The following GRIK4 variants were observed in gnomAD, a reference collection of about 807,000 sequenced individuals.
GRIK4 encodes glutamate ionotropic receptor kainate type subunit 4.
A neutral mutation model predicts 104.9 loss-of-function variants in GRIK4; 40 were observed. The ratio of observed to expected loss-of-function variants is 0.38; its 90% CI spans 0.30 to 0.50. GRIK4 has a LOEUF of 0.50. Among genes scored for constraint, GRIK4 ranks in the 20% least tolerant of loss-of-function variants. The pLI is 0.93. For missense variants in GRIK4, 1,047 were observed against 1,308.1 expected (o/e 0.80, Z 3.08); for synonymous variants, 485 against 524.9 (o/e 0.92, Z 1.04).
intron 3 of GRIK4, among the ~76,000 whole-genome samples, chr11:120,730,714 T>C (rs1951113513): frequency 6.6e-6 from 1 of 152,182 alleles, no homozygotes; most frequent in African/African-American, 2.4e-5. Flanking sequence ...CATCATTCCC[T>C]TTTTTGGTGT....
At chr11:120,871,452 TAGA>T in intron 9 of GRIK4, 1 of 367,982 alleles carries the variant, frequency 2.7e-6, no homozygotes, top group Non-Finnish European at 5.4e-6. Context: ...GAAGAGAGAG[TAGA>T]AGATGATGGA....
intron 1 of GRIK4, among the ~76,000 whole-genome samples, chr11:120,638,281 C>CT (rs570067437): frequency 2.0e-5 from 3 of 152,330 alleles, no homozygotes; most frequent in Admixed American, 6.5e-5. Context: ...TCTTAACACT[C>CT]TACAGAGAGG....
At chr11:120,604,333 C>T (rs983859923) in intron 1 of GRIK4, among the ~76,000 whole-genome samples, 1 of 152,100 alleles carries the variant, frequency 6.6e-6, no homozygotes, top group Admixed American at 6.5e-5. Context: ...AGGTGGTACC[C>T]CCTGGGCATC....
At chr11:120,933,294 A>G (rs1362492259) in intron 13 of GRIK4, among the ~76,000 whole-genome samples, 1 of 152,214 alleles carries the variant, frequency 6.6e-6, no homozygotes, top group Non-Finnish European at 1.5e-5. Flanking sequence ...CCCACAACTC[A>G]TCATAAGGTC....
intron 13 of GRIK4, among the ~76,000 whole-genome samples, chr11:120,906,107 G>A (rs1278700695): frequency 6.6e-6 from 1 of 152,208 alleles, no homozygotes; most frequent in African/African-American, 2.4e-5. Flanking sequence ...GTGAGCATTG[G>A]AGAATGTCAG....
intron 1 of GRIK4, among the ~76,000 whole-genome samples, chr11:120,642,851 G>A (rs1350081317): frequency 2.0e-5 from 3 of 152,168 alleles, no homozygotes; most frequent in Admixed American, 2.0e-4. Flanking sequence ...CTCTGTCTCT[G>A]AATTATTATA....
chr11:120,862,249 G>T, intron 9 of GRIK4, 129 bp downstream of exon 9: 1 of 803,462 alleles, frequency 1.2e-6, no homozygotes, highest in Non-Finnish European at 2.0e-6. Flanking sequence ...GCTCAGAAAG[G>T]GAGGTAGAGA....
At chr11:120,794,879 G>A (rs1398032899) in intron 3 of GRIK4, among the ~76,000 whole-genome samples, 2 of 152,110 alleles carry the variant, frequency 1.3e-5, no homozygotes, top group East Asian at 3.9e-4. Flanking sequence ...GGCGGCGGGA[G>A]CGGCCTGCAC....
chr11:120,751,764 T>C (rs1324651401), intron 3 of GRIK4, among the ~76,000 whole-genome samples: 3 of 152,192 alleles, frequency 2.0e-5, no homozygotes, highest in African/African-American at 7.2e-5. Context: ...TGCTCCTTCC[T>C]CCCAAGCCCT....
At chr11:120,858,582 A>C (rs1401332873) in intron 8 of GRIK4, 1 of 152,186 alleles carries the variant, frequency 6.6e-6, no homozygotes, top group Non-Finnish European at 1.5e-5. Flanking sequence ...TATGCTAGTG[A>C]TTATTACGAA....
intron 3 of GRIK4, among the ~76,000 whole-genome samples, chr11:120,660,951 G>A (rs1345531607): frequency 2.0e-5 from 3 of 152,132 alleles, no homozygotes; most frequent in Non-Finnish European, 2.9e-5. Flanking sequence ...GCTGTGGGAC[G>A]CCCACTTTAG....
intron 6 of GRIK4, among the ~76,000 whole-genome samples, chr11:120,830,619 G>C (rs921245800): frequency 1.3e-5 from 2 of 152,152 alleles, no homozygotes; most frequent in Non-Finnish European, 2.9e-5. Context: ...CCATCCCAGT[G>C]TGTGAGGCCA....
At chr11:120,576,915 G>A (rs1948492786) in intron 1 of GRIK4, among the ~76,000 whole-genome samples, 3 of 152,204 alleles carry the variant, frequency 2.0e-5, no homozygotes, top group Admixed American at 1.3e-4. Flanking sequence ...TGCCTGAGTC[G>A]GGGTGGGGAG....
intron 1 of GRIK4, among the ~76,000 whole-genome samples, chr11:120,527,183 G>A (rs1428141418): frequency 2.6e-5 from 4 of 152,214 alleles, no homozygotes; most frequent in Non-Finnish European, 4.4e-5. Context: ...TCGGCTTGCC[G>A]GGGCTTTGGC....
In GRIK4 at chr11:120,703,878, A is replaced by C. The variant is rs1344771897; in HGVS notation, c.82+43478A>C. Among the ~76,000 whole-genome samples the C allele has an allele frequency of 2.2e-4, 34 of 152,076 alleles. 1 individual carries two copies. Among genetic ancestry groups the C allele is most frequent in the Admixed American group, 2.2e-3 (34 of 15,266 alleles). On this transcript the variant is annotated intron_variant, in intron 3 of 20. Transcript: ENST00000527524. ...TACAGGATGGGGTGGTATAAAGAGC[A>C]CTCGTCTTGATCATCTTTGGTAGCA...
chr11:120,956,696 A>G lies in GRIK4; in HGVS notation c.1701-84A>G. ...GCCCAAGGCCACAGGCCGGTCTCAG[A>G]GGTGAGACCAGCCAGGAGAGCCTGC... On this transcript the variant is annotated intron_variant, in intron 15 of 20. Coordinates refer to ENST00000527524, the MANE Select transcript of GRIK4 (RefSeq NM_014619.5). This position sits in a 1 kb window ranked among gnomAD's most constrained non-coding sequence, Gnocchi z 4.6. The G allele has an allele frequency of 2.0e-6, 2 of 1,013,546 alleles. No homozygotes were observed. The highest frequency in any genetic ancestry group is 2.7e-6 in the Non-Finnish European group (2 of 735,122). The allele number at this position is 1,013,546 out of a possible 1,614,324, so 62.8% of individuals were successfully genotyped here. A position where few individuals can be genotyped will look rare whatever the true frequency, so the allele number is the denominator to read the frequency against.
intron 1 of GRIK4, among the ~76,000 whole-genome samples, chr11:120,628,181 T>C (rs1325324094): frequency 2.0e-5 from 3 of 152,158 alleles, no homozygotes; most frequent in African/African-American, 7.2e-5. Flanking sequence ...ACTCGGAGGC[T>C]TGGTGAGCTG....
Position 120,660,400 on chromosome 11 carries a change from G to A in GRIK4, c.82G>A (p.Ala28Thr), listed in dbSNP as rs369721630. ...VACSPHSLRI[A>T]AILDDPMECS... is the part of the protein sequence containing the mutation. ...CTGCAGCCCGCACTCCTTGAGGATC[G>A]GTAAGTGTGGCCCAGCTTGGGGCAG... is the stretch of plus-strand genomic sequence containing the variant. Residue 28 changes from alanine (A) to threonine (T), a missense_variant and splice_region_variant, in exon 3 of 21, where the codon GCT (alanine) becomes ACT (threonine). Ala to Thr is a moderately conservative substitution (Grantham distance 58, BLOSUM62 0). Coordinates refer to ENST00000527524, the MANE Select transcript of GRIK4 (RefSeq NM_014619.5). 32 of 1,610,436 alleles carry A rather than the reference G, an allele frequency of 2.0e-5. No individual in the cohort carries two copies. In the East Asian group the frequency reaches 4.2e-4, roughly 21 times the overall value.
chr11:120,872,512 A>T (rs559636211), intron 9 of GRIK4: 5,226 of 154,178 alleles, frequency 0.034, 247 homozygotes, highest in African/African-American at 0.11. Flanking sequence ...CAAGGGTCTC[A>T]TGTGGGACCC....
Sources: gnomAD v4.1 joint callset for allele counts (sites outside exome capture counted in the v4.1 genomes callset) on GRCh38, gnomAD v4.1.1 for gene constraint, Gnocchi (gnomAD v3.1) non-coding constraint, MANE v1.5 for transcripts, NCBI Gene and HGNC (gene_info 2026-07-23, HGNC 2026-07-21) for gene names.